Variants in YIPF6 observed in about 807,000 individuals in gnomAD.
The protein encoded by YIPF6 is Yip1 domain family member 6, also known as protein YIPF6.
A neutral mutation model predicts 16.8 loss-of-function variants in YIPF6; 3 were observed. That is an observed-to-expected ratio of 0.18 (90% CI 0.08 to 0.46). YIPF6 has a LOEUF of 0.46. Ranked by LOEUF, YIPF6 falls within the 20% of genes least tolerant of loss-of-function variation. The pLI, the probability that YIPF6 is intolerant of heterozygous loss-of-function variation, is 0.98. For synonymous variants in YIPF6, 67 were observed against 61.9 expected (o/e 1.08, Z -0.38); for missense variants, 145 against 184.9 (o/e 0.78, Z 1.25).
At chrX:68,506,965 A>G (rs150331832) in intron 1 of YIPF6, among the ~76,000 whole-genome samples, 4,969 of 112,137 alleles carry the variant, frequency 0.044, 103 homozygotes, top group Middle Eastern at 0.078. Flanking sequence ...TAATGCATGT[A>G]AAAAATTAAT....
intron 1 of YIPF6, among the ~76,000 whole-genome samples, chrX:68,501,561 A>T (rs1267183703): frequency 8.9e-6 from 1 of 112,052 alleles, no homozygotes; most frequent in Non-Finnish European, 1.9e-5. Context: ...AGTGCCATGC[A>T]TGAAATTTGA....
In YIPF6 at chrX:68,499,142, A is replaced by T; in HGVS notation, c.57+19A>T. ...GCCCCTGGTGAGCTTGGGATCTGCG[A>T]CAAAAGGGACCGAGGGTGAGGCAGA... On this transcript the variant is annotated intron_variant, in intron 1 of 6. Transcript: ENST00000462683. The T allele has an allele frequency of 8.5e-7, 1 of 1,173,571 alleles. No individual in the cohort carries two copies. Among genetic ancestry groups the T allele is most frequent in the South Asian group, 1.9e-5 (1 of 52,486 alleles).
intron 6 of YIPF6, among the ~76,000 whole-genome samples, chrX:68,523,201 C>A (rs1163824953): frequency 9.1e-6 from 1 of 109,449 alleles, no homozygotes; most frequent in Non-Finnish European, 1.9e-5. Flanking sequence ...CTGGTATATA[C>A]AAGGCATTAG....
intron 3 of YIPF6, among the ~76,000 whole-genome samples, chrX:68,515,698 T>C (rs1235850165): frequency 1.8e-5 from 2 of 110,472 alleles, no homozygotes; most frequent in Non-Finnish European, 3.8e-5. Context: ...AGACATGATC[T>C]TGTTCTGTCA....
At chrX:68,524,754 T>C (rs1303883332) in intron 6 of YIPF6, among the ~76,000 whole-genome samples, 2 of 109,948 alleles carry the variant, frequency 1.8e-5, no homozygotes, top group Admixed American at 2.0e-4. Flanking sequence ...CCCCCACTTA[T>C]GAGTGAGAAC....
Position 68,513,571 on chromosome X carries a change from T to TTGATTTTA in YIPF6, c.265+168_265+175dup, listed in dbSNP as rs1489935805. The TTGATTTTA allele has an allele frequency of 1.1e-4, 35 of 325,922 alleles. 1 individual carries two copies. The Admixed American group carries it at 2.1e-3, about 19-fold the overall frequency. The allele number at this position is 325,922 out of a possible 1,213,427, so 26.9% of individuals were successfully genotyped here. ...TCAAACTTCTGGCAGAAATTAAAAATTGATTTTATTTTATTTTTATTTTCA... is the reference window on the plus strand; with the variant it reads ...TCAAACTTCTGGCAGAAATTAAAAATTGATTTTATGATTTTATTTTATTTTTATTTTCA... On this transcript the variant is annotated intron_variant, in intron 3 of 6. Coordinates refer to ENST00000462683, the MANE Select transcript of YIPF6 (RefSeq NM_173834.4).
intron 1 of YIPF6, among the ~76,000 whole-genome samples, chrX:68,505,976 T>G (rs1255969173): frequency 2.7e-5 from 3 of 111,600 alleles, no homozygotes; most frequent in Non-Finnish European, 5.6e-5. Context: ...TGGCCTTTTT[T>G]GTTCCAAGAT....
intron 1 of YIPF6, among the ~76,000 whole-genome samples, chrX:68,505,961 A>G (rs1177692350): frequency 9.0e-6 from 1 of 111,252 alleles, no homozygotes; most frequent in Admixed American, 9.7e-5. Context: ...CAGGTTTTCC[A>G]CTTATGGCCT....
At chrX:68,499,648 T>A (rs778118412) in intron 1 of YIPF6, among the ~76,000 whole-genome samples, 4 of 111,633 alleles carry the variant, frequency 3.6e-5, no homozygotes, top group Non-Finnish European at 5.6e-5. Context: ...TTTACTTTTT[T>A]AAAAATCGAG....
At chrX:68,528,716 G>A (rs5918841) in intron 6 of YIPF6, among the ~76,000 whole-genome samples, 4,803 of 111,136 alleles carry the variant, frequency 0.043, 116 homozygotes, top group Non-Finnish European at 0.073. Context: ...GTCTATAAAG[G>A]ATTTTATTTC....
chrX:68,511,430 G>A lies in YIPF6; in HGVS notation c.58-419G>A, dbSNP rs748383728. ...CCCTGTTTCCCGCACTTGCCTTTAT[G>A]GTTCATGTAATGCTCATTTTTAGCC... On this transcript the variant is annotated intron_variant, in intron 1 of 6. Coordinates refer to ENST00000462683, the MANE Select transcript of YIPF6 (RefSeq NM_173834.4). 2.1e-4 allele frequency among the ~76,000 whole-genome samples: 24 copies of A among 112,186 alleles called. No individual in the cohort carries two copies. In the South Asian group the frequency reaches 8.8e-3, roughly 41 times the overall value.
rs2079173346 is a variant in YIPF6 at position 68,531,974 on chromosome X, T to C, written c.686T>C (p.Met229Thr). 2.5e-6 allele frequency: 3 copies of C among 1,203,309 alleles called. No homozygotes were observed. Among genetic ancestry groups the C allele is most frequent in the African/African-American group, 3.5e-5 (2 of 57,108 alleles). Residue 229 changes from methionine to threonine, a missense_variant, in exon 7 of 7, where the codon ATG (methionine) becomes ACG (threonine). Physicochemically the swap from Met to Thr is moderately conservative, Grantham distance 81. Coordinates refer to ENST00000462683, the MANE Select transcript of YIPF6 (RefSeq NM_173834.4). ...CTGTTTTACTTTGTCATCAGTTGGA[T>C]GATTCTCACCTTTACTCCTCAGTAA... The part of the protein sequence containing the change: ...VFLFYFVISW[M>T]ILTFTPQ
At chrX:68,524,124 G>A (rs1181292911) in intron 6 of YIPF6, among the ~76,000 whole-genome samples, 1 of 111,145 alleles carries the variant, frequency 9.0e-6, no homozygotes, top group Non-Finnish European at 1.9e-5. Context: ...CAGTACAGTG[G>A]GACAGACATG....
chrX:68,506,071 C>T (rs999188681), intron 1 of YIPF6, among the ~76,000 whole-genome samples: 2 of 110,236 alleles, frequency 1.8e-5, no homozygotes, highest in Admixed American at 2.0e-4. Flanking sequence ...CTTTTCTTAT[C>T]TTTCATAATC....
chrX:68,515,408 G>C (rs1204358314), intron 3 of YIPF6: 1 of 111,301 alleles, frequency 9.0e-6, no homozygotes, highest in Non-Finnish European at 1.9e-5. Context: ...TAAAGTGCTG[G>C]GATTACAGGC....
intron 1 of YIPF6, among the ~76,000 whole-genome samples, chrX:68,500,478 G>T (rs1435960158): frequency 2.7e-5 from 3 of 110,723 alleles, no homozygotes; most frequent in Admixed American, 9.7e-5. Context: ...ACTACGTCCA[G>T]CTAATTTTTG....
intron 6 of YIPF6, 87 bp downstream of exon 6, chrX:68,523,004 A>T: frequency 9.3e-7 from 1 of 1,069,665 alleles, no homozygotes. Flanking sequence ...TATAAGTCCA[A>T]AGTTAGATGT....
intron 3 of YIPF6, among the ~76,000 whole-genome samples, chrX:68,517,766 G>A (rs2079108923): frequency 9.3e-6 from 1 of 107,630 alleles, no homozygotes; most frequent in Admixed American, 1.0e-4. Flanking sequence ...CCAGGAGTTT[G>A]AGACCAGCCT....
At chrX:68,516,297 T>A (rs1307620795) in intron 3 of YIPF6, among the ~76,000 whole-genome samples, 1 of 111,605 alleles carries the variant, frequency 9.0e-6, no homozygotes, top group Non-Finnish European at 1.9e-5. Flanking sequence ...TCAAGTAGAG[T>A]ATTATGTAGT....
Sources: gnomAD v4.1 joint callset for allele counts (sites outside exome capture counted in the v4.1 genomes callset) on GRCh38, gnomAD v4.1.1 for gene constraint, MANE v1.5 for transcripts, NCBI Gene and HGNC (gene_info 2026-07-23, HGNC 2026-07-21) for gene names.